FARP1: variants seen among roughly 807,000 people sequenced by gnomAD.
FARP1 encodes the protein FERM, ARH/RhoGEF and pleckstrin domain protein 1.
Under a neutral mutation model 128.8 loss-of-function variants are expected in FARP1, and 52 were observed. That is an observed-to-expected ratio of 0.40 (90% CI 0.32 to 0.51). The LOEUF (loss-of-function observed/expected upper bound fraction) is 0.51. FARP1 is among the 20% of genes least tolerant of loss of function. The pLI, the probability that FARP1 is intolerant of heterozygous loss-of-function variation, is 0.45. For missense variants in FARP1, 1,333 were observed against 1,367.9 expected, an observed-to-expected ratio of 0.97 and a Z score of 0.40; for synonymous variants, 580 against 551.8, an observed-to-expected ratio of 1.05 and a Z score of -0.72.
At chr13:98,207,968 A>ACACACT (rs1566741263) in intron 1 of FARP1, among the ~76,000 whole-genome samples, 2 of 143,124 alleles carry the variant, frequency 1.4e-5, no homozygotes, top group African/African-American at 5.1e-5. Flanking sequence ...ACACACACAC[A>ACACACT]CTTTGATTCA....
rs1886972574 is a variant in FARP1, at chr13:98,321,043, G to A, written c.172-22719G>A. ...TCTTTGGGTTATGGAAGAAGAACGT[G>A]ATGGTAACTTGTCATCACCACCTTT... On this transcript the variant is annotated intron_variant, in intron 2 of 26. Coordinates refer to ENST00000319562, the MANE Select transcript of FARP1 (RefSeq NM_005766.4). Among the ~76,000 whole-genome samples, 3 of 152,218 alleles carry A rather than the reference G, an allele frequency of 2.0e-5. No individual in the cohort carries two copies. The South Asian group carries it at 6.2e-4, about 32-fold the overall frequency.
chr13:98,289,449 A>G (rs1402120016), intron 2 of FARP1, among the ~76,000 whole-genome samples: 2 of 152,192 alleles, frequency 1.3e-5, no homozygotes, highest in Non-Finnish European at 2.9e-5. Context: ...TCTATTTCCA[A>G]TGATAGATGA....
intron 1 of FARP1, among the ~76,000 whole-genome samples, chr13:98,157,291 G>A (rs983455461): frequency 6.6e-6 from 1 of 151,984 alleles, no homozygotes; most frequent in Admixed American, 6.6e-5. Flanking sequence ...TTATTTCCCA[G>A]CCTCCTGTAC....
intron 2 of FARP1, among the ~76,000 whole-genome samples, chr13:98,243,367 G>A (rs1397486175): frequency 2.0e-5 from 3 of 152,106 alleles, no homozygotes; most frequent in Admixed American, 6.6e-5. Flanking sequence ...GTTATGAAGA[G>A]AGACTTCTTT....
chr13:98,421,001 GC>G (rs1331606134), intron 16 of FARP1, among the ~76,000 whole-genome samples: 4 of 152,218 alleles, frequency 2.6e-5, no homozygotes, highest in African/African-American at 9.7e-5. Context: ...TGCTATGTGA[GC>G]TGGGGTGGGG....
intron 1 of FARP1, among the ~76,000 whole-genome samples, chr13:98,153,314 A>AATAAT (rs1876170415): frequency 2.6e-5 from 1 of 38,640 alleles, no homozygotes; most frequent in Non-Finnish European, 6.7e-5. Flanking sequence ...TTATATATAA[A>AATAAT]ATATATAAAT....
chr13:98,437,688 T>A (rs771050990), intron 19 of FARP1: 34 of 751,960 alleles, frequency 4.5e-5, no homozygotes, highest in Non-Finnish European at 7.9e-5. Context: ...GCAGGAGGGC[T>A]GTGTCCTGGA....
chr13:98,298,608 T>C (rs181454813), intron 2 of FARP1, among the ~76,000 whole-genome samples: 4 of 152,286 alleles, frequency 2.6e-5, no homozygotes, highest in Admixed American at 1.3e-4. Context: ...GAAACCCTTG[T>C]TTTGTTTTTG....
chr13:98,230,415 A>C (rs1375410907), intron 2 of FARP1, among the ~76,000 whole-genome samples: 2 of 152,226 alleles, frequency 1.3e-5, no homozygotes, highest in East Asian at 3.8e-4. Context: ...TCAGTCAACC[A>C]AACAAAAGCA....
chr13:98,183,494 A>C (rs1878661843), intron 1 of FARP1, among the ~76,000 whole-genome samples: 1 of 152,318 alleles, frequency 6.6e-6, no homozygotes, highest in Non-Finnish European at 1.5e-5. Context: ...ATTCCTGGGC[A>C]TGGGACCTCT....
intron 2 of FARP1, among the ~76,000 whole-genome samples, chr13:98,307,889 T>A (rs1412416812): frequency 6.6e-6 from 1 of 152,200 alleles, no homozygotes; most frequent in African/African-American, 2.4e-5. Context: ...GCTTGCTGGA[T>A]AAAGTTCTTA....
chr13:98,297,457 C>A (rs9582209), intron 2 of FARP1, among the ~76,000 whole-genome samples: 1 of 152,204 alleles, frequency 6.6e-6, no homozygotes, highest in African/African-American at 2.4e-5. Flanking sequence ...TTTAAAACTT[C>A]CCAGGCTTTG....
chr13:98,421,313 A>G (rs1316331280), intron 16 of FARP1, among the ~76,000 whole-genome samples: 7 of 152,188 alleles, frequency 4.6e-5, no homozygotes, highest in Non-Finnish European at 1.0e-4. Flanking sequence ...TTTGGCTTCC[A>G]TCTCATTCCC....
rs745695159 is a variant in FARP1, at chr13:98,439,170, G to A, written c.2407G>A (p.Gly803Arg). 2.6e-5 allele frequency: 42 copies of A among 1,613,536 alleles called. No homozygotes were observed. Among genetic ancestry groups the A allele is most frequent in the South Asian group, 3.3e-5 (3 of 90,992 alleles). The change falls in exon 21 of 27, where the codon GGG becomes AGG. Residue 803 changes from glycine (G) to arginine (R), a missense_variant. This residue lies in a region of FARP1 where 1,009 missense variants were observed against 969.8 expected (regional missense o/e 1.04). Coordinates refer to ENST00000319562, the MANE Select transcript of FARP1 (RefSeq NM_005766.4). ...LTASNQFKVH[G>R]QLPLYGMTIE... is the part of the protein sequence containing the mutation. ...GGCCTCCAATCAGTTTAAAGTCCAC[G>A]GGCAGCTCCCGCTCTATGGCATGAC...
intron 1 of FARP1, among the ~76,000 whole-genome samples, chr13:98,195,078 T>C (rs1879487931): frequency 6.6e-6 from 1 of 152,236 alleles, no homozygotes; most frequent in Admixed American, 6.5e-5. Context: ...GCTTCAAGAC[T>C]GGCCCTTCTT....
At chr13:98,150,595 T>C (rs1875925786) in intron 1 of FARP1, among the ~76,000 whole-genome samples, 1 of 152,226 alleles carries the variant, frequency 6.6e-6, no homozygotes, top group South Asian at 2.1e-4. Context: ...ATTGAACTTA[T>C]TTAACGTCAG....
intron 19 of FARP1, chr13:98,436,094 A>G: frequency 3.6e-6 from 1 of 279,168 alleles, no homozygotes; most frequent in Non-Finnish European, 7.3e-6. Flanking sequence ...AAATTATGCT[A>G]GAAATTCCCA....
intron 1 of FARP1, among the ~76,000 whole-genome samples, chr13:98,151,771 C>G (rs1216349903): frequency 6.8e-6 from 1 of 147,144 alleles, no homozygotes; most frequent in African/African-American, 2.5e-5. Flanking sequence ...AAGCAATTCT[C>G]CTGCCTCAGC....
intron 1 of FARP1, among the ~76,000 whole-genome samples, chr13:98,148,363 A>C (rs1354023496): frequency 2.0e-5 from 3 of 152,244 alleles, no homozygotes; most frequent in South Asian, 2.1e-4. Context: ...GGGCAACAAA[A>C]GTGAAACTCC....
Sources: allele counts gnomAD v4.1 joint callset (sites outside exome capture counted in the v4.1 genomes callset), GRCh38; gene constraint gnomAD v4.1.1; regional missense constraint gnomAD v4.1.1; transcripts MANE v1.5; gene names NCBI Gene and HGNC (gene_info 2026-07-23, HGNC 2026-07-21).